The following STAU2 variants were observed in gnomAD, a reference collection of about 807,000 sequenced individuals.
STAU2 encodes the protein double-stranded RNA-binding protein Staufen homolog 2.
In STAU2, 20 loss-of-function variants were observed where a neutral mutation model predicts 65.9. The ratio of observed to expected loss-of-function variants is 0.30; its 90% CI spans 0.21 to 0.44. STAU2 has a LOEUF of 0.44. STAU2 is among the 20% of genes least tolerant of loss of function. STAU2 has a pLI of 1.00. For synonymous variants in STAU2, 232 were observed against 233.9 expected (o/e 0.99, Z 0.07); for missense variants, 558 against 683.9 (o/e 0.82, Z 2.05).
intron 6 of STAU2, among the ~76,000 whole-genome samples, chr8:73,660,088 T>A (rs1341629915): frequency 6.6e-6 from 1 of 152,234 alleles, no homozygotes; most frequent in African/African-American, 2.4e-5. Flanking sequence ...AGACATTTTT[T>A]AATTTAAGAA....
At chr8:73,482,314 A>C (rs1820674355) in intron 13 of STAU2, among the ~76,000 whole-genome samples, 1 of 150,912 alleles carries the variant, frequency 6.6e-6, no homozygotes, top group African/African-American at 2.4e-5. Context: ...AAAAATAAAG[A>C]ATAAAGAAAA....
chr8:73,478,470 A>G (rs572694314), intron 13 of STAU2, among the ~76,000 whole-genome samples: 32 of 149,890 alleles, frequency 2.1e-4, no homozygotes, highest in Non-Finnish European at 4.6e-4. Flanking sequence ...CGCAGAGTAG[A>G]TGCTCTAAAA....
chr8:73,725,686 C>T (rs1805570205), intron 3 of STAU2, among the ~76,000 whole-genome samples: 1 of 152,124 alleles, frequency 6.6e-6, no homozygotes, highest in Non-Finnish European at 1.5e-5. Flanking sequence ...AATCCCAGCC[C>T]TTTGGGAGGC....
At chr8:73,695,743 A>AGTG (rs770349492) in intron 4 of STAU2, among the ~76,000 whole-genome samples, 163 of 152,272 alleles carry the variant, frequency 1.1e-3, no homozygotes, top group Non-Finnish European at 1.9e-3. Flanking sequence ...CCCATGGACC[A>AGTG]GTGGTGGTGT....
chr8:73,654,663 A>AAAAAAAAAAAAAAAAAAAAAAAAAAAAC (rs1280392351), intron 6 of STAU2, among the ~76,000 whole-genome samples: 1 of 135,640 alleles, frequency 7.4e-6, no homozygotes, highest in African/African-American at 2.6e-5. Context: ...AAAAAAAAAG[A>AAAAAAAAAAAAAAAAAAAAAAAAAAAAC]ACTCTTTTAA....
intron 6 of STAU2, among the ~76,000 whole-genome samples, chr8:73,625,386 A>G (rs1397751172): frequency 1.3e-5 from 2 of 152,244 alleles, no homozygotes; most frequent in African/African-American, 4.8e-5. Flanking sequence ...CAAAGGAATG[A>G]AGTATAATTA....
chr8:73,669,637 TTCTC>T (rs34037884), intron 6 of STAU2, among the ~76,000 whole-genome samples: 2,260 of 140,726 alleles, frequency 0.016, 38 homozygotes, highest in African/African-American at 0.046. Context: ...GAGCCTGGAA[TTCTC>T]TCTCTCTCTC....
intron 13 of STAU2, among the ~76,000 whole-genome samples, chr8:73,487,202 TAGGAAAATGATGCAA>T (rs1334168055): frequency 1.3e-5 from 2 of 152,020 alleles, no homozygotes; most frequent in Admixed American, 6.6e-5. Context: ...GTGGGTCAGT[TAGGAAAATGATGCAA>T]AGAACTTCTT....
chr8:73,582,605 C>G (rs1421642184), intron 12 of STAU2, among the ~76,000 whole-genome samples, 165 bp downstream of exon 12: 2 of 152,028 alleles, frequency 1.3e-5, no homozygotes, highest in African/African-American at 4.8e-5. Flanking sequence ...AGTTTTCCAG[C>G]TATTCTGTCA....
At chr8:73,486,272 A>C (rs1820905729) in intron 13 of STAU2, among the ~76,000 whole-genome samples, 1 of 152,086 alleles carries the variant, frequency 6.6e-6, no homozygotes, top group Non-Finnish European at 1.5e-5. Context: ...CAAGTAACTA[A>C]ATTGATTCAT....
At chr8:73,583,494 G>T (rs1810142302) in intron 11 of STAU2, among the ~76,000 whole-genome samples, 1 of 151,958 alleles carries the variant, frequency 6.6e-6, no homozygotes, top group South Asian at 2.1e-4. Context: ...CACCACAAAT[G>T]CTTAAGTGAC....
At chr8:73,688,489 C>CGTGTGTGTGTGTGTGTGT (rs34713766) in intron 5 of STAU2, among the ~76,000 whole-genome samples, 165 bp downstream of exon 5, 7 of 146,862 alleles carry the variant, frequency 4.8e-5, no homozygotes, top group Admixed American at 1.4e-4. Context: ...TTTATGCTAC[C>CGTGTGTGTGTGTGTGTGT]GTGTGTGTGT....
chr8:73,559,402 G>A (rs1418775646), intron 12 of STAU2, among the ~76,000 whole-genome samples: 3 of 152,184 alleles, frequency 2.0e-5, no homozygotes, highest in Non-Finnish European at 2.9e-5. Flanking sequence ...GGATAAGCAG[G>A]GCTGGCACTG....
chr8:73,471,817 TAAAAAAA>T lies in STAU2; in HGVS notation c.1531-49122_1531-49116del, dbSNP rs569600617. On this transcript the variant is annotated intron_variant, in intron 13 of 14. Transcript: ENST00000524300. ...TGGGCAACAAGGGCGAGACTCCAAC[TAAAAAAA>T]AAAAAAAAAAAAAGAGAGAAGAAGG... Among the ~76,000 whole-genome samples, 3 of 86,816 alleles carry T rather than the reference TAAAAAAA, an allele frequency of 3.5e-5. 1 individual carries two copies. The highest frequency in any genetic ancestry group is 6.4e-5 in the Non-Finnish European group (3 of 47,082). 57.0% of individuals were successfully genotyped at this position (86,816 alleles called of 152,430 possible).
At chr8:73,696,939 C>T (rs898764498) in intron 4 of STAU2, among the ~76,000 whole-genome samples, 1 of 152,106 alleles carries the variant, frequency 6.6e-6, no homozygotes, top group African/African-American at 2.4e-5. Context: ...ATTTAAGAAT[C>T]TAATTCCCTA....
chr8:73,502,604 G>A (rs746971326), intron 13 of STAU2, among the ~76,000 whole-genome samples: 51 of 151,976 alleles, frequency 3.4e-4, no homozygotes, highest in Non-Finnish European at 4.7e-4. Context: ...TACTAAATGC[G>A]TTTTTTCTCT....
rs964517262 is a variant in STAU2, at chr8:73,433,465, A to G, written c.1531-10763T>C. 1.1e-4 allele frequency among the ~76,000 whole-genome samples: 17 copies of G among 147,846 alleles called. 1 individual carries two copies. The highest frequency in any genetic ancestry group is 4.3e-4 in the African/African-American group (17 of 39,528). On this transcript the variant is annotated intron_variant, in intron 13 of 14. Transcript: ENST00000524300. The stretch of plus-strand genomic sequence containing the variant: ...ATGATCCGCCCACCTCGGCCTCCCA[A>G]AGCGCTGGGATTAAAGGTGTGAGCC...
At chr8:73,469,068 A>G (rs1819821901) in intron 13 of STAU2, among the ~76,000 whole-genome samples, 1 of 152,180 alleles carries the variant, frequency 6.6e-6, no homozygotes, top group African/African-American at 2.4e-5. Flanking sequence ...ATGTCCAACA[A>G]TGATAGACTG....
intron 3 of STAU2, among the ~76,000 whole-genome samples, chr8:73,734,126 G>A (rs1392703019): frequency 6.6e-6 from 1 of 150,668 alleles, no homozygotes; most frequent in East Asian, 1.9e-4. Flanking sequence ...AAACATACCT[G>A]CATAGAAAAA....
Sources: allele counts gnomAD v4.1 joint callset (sites outside exome capture counted in the v4.1 genomes callset), GRCh38; gene constraint gnomAD v4.1.1; transcripts MANE v1.5; gene names NCBI Gene and HGNC (gene_info 2026-07-23, HGNC 2026-07-21).